Variants in VOPP1 observed in about 807,000 individuals in gnomAD.
VOPP1 encodes WW domain binding protein VOPP1.
In VOPP1, 8 loss-of-function variants were observed where a neutral mutation model predicts 23.5. The ratio of observed to expected loss-of-function variants is 0.34; its 90% CI spans 0.20 to 0.61. The LOEUF is 0.61. Ranked by LOEUF, VOPP1 falls within the 20% of genes least tolerant of loss-of-function variation. VOPP1 has a pLI of 0.78. For synonymous variants in VOPP1, 83 were observed against 97.3 expected (o/e 0.85, Z 0.86); for missense variants, 174 against 238.1 (o/e 0.73, Z 1.77).
intron 2 of VOPP1, among the ~76,000 whole-genome samples, chr7:55,519,998 C>A (rs866286853): frequency 1.9e-4 from 29 of 152,090 alleles, no homozygotes; most frequent in African/African-American, 6.5e-4. Context: ...CGTGGTGGCA[C>A]ACGCCTGTAA....
chr7:55,515,459 C>T (rs1298536967), intron 2 of VOPP1, among the ~76,000 whole-genome samples: 1 of 152,220 alleles, frequency 6.6e-6, no homozygotes, highest in Non-Finnish European at 1.5e-5. Flanking sequence ...AACCCCCGGT[C>T]TTCTCCAAGC....
intron 1 of VOPP1, among the ~76,000 whole-genome samples, chr7:55,570,772 A>T (rs6593258): frequency 0.93 from 140,699 of 151,918 alleles, 65,841 homozygotes; most frequent in East Asian, 1. Context: ...CGAAACCCCG[A>T]CTCTACTAAA....
At chr7:55,484,289 G>T (rs1164692663) in intron 4 of VOPP1, among the ~76,000 whole-genome samples, 1 of 152,222 alleles carries the variant, frequency 6.6e-6, no homozygotes, top group African/African-American at 2.4e-5. Context: ...AGACATCCCA[G>T]GAACTGTCAA....
At chr7:55,453,080 A>C (rs1437011804) in intron 4 of VOPP1, among the ~76,000 whole-genome samples, 1 of 152,196 alleles carries the variant, frequency 6.6e-6, no homozygotes, top group African/African-American at 2.4e-5. Flanking sequence ...CACCCTCCTC[A>C]GTGGTCTTAG....
intron 3 of VOPP1, among the ~76,000 whole-genome samples, chr7:55,494,053 C>T (rs1018372093): frequency 1.3e-5 from 2 of 151,904 alleles, no homozygotes; most frequent in African/African-American, 2.4e-5. Context: ...GTACTGGGGC[C>T]GGAGAAGGTG....
intron 1 of VOPP1, chr7:55,552,626 GT>G: frequency 6.5e-7 from 1 of 1,536,016 alleles, no homozygotes; most frequent in Non-Finnish European, 8.7e-7. Context: ...CCAGGTCTGT[GT>G]GGCTCCAAAG....
intron 2 of VOPP1, among the ~76,000 whole-genome samples, chr7:55,518,099 G>A (rs1310422527): frequency 6.6e-6 from 1 of 152,180 alleles, no homozygotes; most frequent in Non-Finnish European, 1.5e-5. Flanking sequence ...GGTAGGTTAT[G>A]TTCTTATGGG....
chr7:55,540,961 T>C (rs1455751111), intron 1 of VOPP1, among the ~76,000 whole-genome samples: 5 of 152,166 alleles, frequency 3.3e-5, no homozygotes, highest in African/African-American at 9.7e-5. Flanking sequence ...GTGGACTACA[T>C]TGAAACTTAA....
intron 2 of VOPP1, among the ~76,000 whole-genome samples, chr7:55,520,179 A>T (rs1237999985): frequency 3.9e-5 from 6 of 152,160 alleles, no homozygotes; most frequent in East Asian, 1.9e-4. Flanking sequence ...CTGGCAGATT[A>T]AAAAAATAAC....
At chr7:55,491,601 T>C (rs530440715) in intron 4 of VOPP1, among the ~76,000 whole-genome samples, 8 of 152,346 alleles carry the variant, frequency 5.3e-5, no homozygotes, top group Middle Eastern at 6.8e-3. Flanking sequence ...CTCCCTGGCC[T>C]GTGTCCTAAG....
chr7:55,451,995 T>C (rs1373980510), intron 4 of VOPP1, among the ~76,000 whole-genome samples: 1 of 152,218 alleles, frequency 6.6e-6, no homozygotes, highest in Non-Finnish European at 1.5e-5. Context: ...ATTGACTTTA[T>C]TTCAGGAAAG....
In VOPP1 at chr7:55,483,557, GCT is replaced by G. The variant is rs1792901843; in HGVS notation, c.328+8723_328+8724del. On this transcript the variant is annotated intron_variant, in intron 4 of 4. Coordinates refer to ENST00000285279, the MANE Select transcript of VOPP1 (RefSeq NM_030796.5). Reference sequence around the variant, plus strand: ...GCCAAATAGGGCAGTGCCTCTTACAGCTCTCTCTCGGGTTCCTTTGCTTAGGT... The same window carrying G: ...GCCAAATAGGGCAGTGCCTCTTACAGCTCTCTCGGGTTCCTTTGCTTAGGT... 3.3e-5 allele frequency among the ~76,000 whole-genome samples: 5 copies of G among 152,034 alleles called. No individual in the cohort carries two copies. In the South Asian group the frequency reaches 8.3e-4, roughly 25 times the overall value.
At position 55,553,448 on chromosome 7, in the gene VOPP1, T is replaced by G. The variant is rs559032768; in HGVS notation, c.54+18823A>C. Among the ~76,000 whole-genome samples the G allele has an allele frequency of 5.3e-5, 8 of 152,312 alleles. No individual in the cohort carries two copies. The East Asian group carries it at 1.5e-3, about 29-fold the overall frequency. On this transcript the variant is annotated intron_variant, in intron 1 of 4. Transcript: ENST00000285279. ...TTGCAGACCCAAAGGTCACTAGGCT[T>G]GGCTGTAAACTCCAATTCATTTACC...
At chr7:55,451,973 T>G (rs1351645852) in intron 4 of VOPP1, among the ~76,000 whole-genome samples, 2 of 152,170 alleles carry the variant, frequency 1.3e-5, no homozygotes, top group African/African-American at 4.8e-5. Flanking sequence ...AACAATGAAG[T>G]CTGCCGCATT....
chr7:55,531,568 T>C (rs569723218), intron 1 of VOPP1, among the ~76,000 whole-genome samples: 1 of 152,214 alleles, frequency 6.6e-6, no homozygotes, highest in East Asian at 1.9e-4. Flanking sequence ...GCCAGGCTGG[T>C]CTCAAACCCC....
intron 2 of VOPP1, among the ~76,000 whole-genome samples, chr7:55,506,013 C>G (rs1794698999): frequency 6.6e-6 from 1 of 152,180 alleles, no homozygotes; most frequent in Non-Finnish European, 1.5e-5. Context: ...CAGGCAAACC[C>G]AAATTAATTT....
downstream of VOPP1, among the ~76,000 whole-genome samples, chr7:55,469,482 A>G (rs1304601952): frequency 6.6e-6 from 1 of 152,220 alleles, no homozygotes; most frequent in East Asian, 1.9e-4. Context: ...ATATATTAAA[A>G]AAATCAAACA....
intron 4 of VOPP1, among the ~76,000 whole-genome samples, chr7:55,455,207 A>G (rs546444991): frequency 6.6e-6 from 1 of 152,340 alleles, no homozygotes; most frequent in East Asian, 1.9e-4. Flanking sequence ...CCCATTCACA[A>G]TTGCTACAAA....
intron 1 of VOPP1, 123 bp from the exon 2 acceptor site, chr7:55,521,253 C>T (rs751529910): frequency 1.5e-4 from 151 of 1,001,472 alleles, no homozygotes; most frequent in Middle Eastern, 2.1e-4. Context: ...GCTGGGATAT[C>T]GGGGCAGACA....
Sources: allele counts gnomAD v4.1 joint callset (sites outside exome capture counted in the v4.1 genomes callset), GRCh38; gene constraint gnomAD v4.1.1; transcripts MANE v1.5; gene names NCBI Gene and HGNC (gene_info 2026-07-23, HGNC 2026-07-21).